CDH13: variants seen among roughly 807,000 people sequenced by gnomAD.
CDH13 encodes the protein cadherin 13.
CDH13 carries 24 observed loss-of-function variants against 63.8 expected under a neutral mutation model. The observed-to-expected ratio is 0.38, with a 90% confidence interval of 0.27 to 0.53. CDH13 has a LOEUF of 0.53. Among genes scored for constraint, CDH13 ranks in the 20% least tolerant of loss-of-function variants. The pLI, the probability that CDH13 is intolerant of heterozygous loss-of-function variation, is 0.85. For synonymous variants in CDH13, 503 were observed against 355.3 expected, an observed-to-expected ratio of 1.42 and a Z score of -4.67; for missense variants, 1,049 against 903.1, an observed-to-expected ratio of 1.16 and a Z score of -2.07.
intron 7 of CDH13, among the ~76,000 whole-genome samples, chr16:83,586,930 A>G (rs1420285657): frequency 1.3e-5 from 2 of 152,176 alleles, no homozygotes; most frequent in Non-Finnish European, 2.9e-5. Context: ...TTATTTTCAA[A>G]AAGTATAACC....
At chr16:83,313,255 C>T (rs1396165693) in intron 5 of CDH13, among the ~76,000 whole-genome samples, 1 of 152,142 alleles carries the variant, frequency 6.6e-6, no homozygotes, top group African/African-American at 2.4e-5. Context: ...ATTTCACAGC[C>T]ATTGATATTT....
intron 1 of CDH13, chr16:82,829,335 G>A (rs1903620): frequency 0.26 from 39,523 of 152,036 alleles, 6,557 homozygotes; most frequent in East Asian, 0.87. Context: ...GATGATGGAT[G>A]TGGAAATACA....
chr16:82,749,092 AT>A (rs11380532), intron 1 of CDH13, among the ~76,000 whole-genome samples: 2 of 151,238 alleles, frequency 1.3e-5, no homozygotes, highest in Non-Finnish European at 1.5e-5. Flanking sequence ...GTGGGGTCCA[AT>A]TTTTTTTTCA....
At chr16:82,663,768 G>C (rs1912259162) in intron 1 of CDH13, among the ~76,000 whole-genome samples, 1 of 152,166 alleles carries the variant, frequency 6.6e-6, no homozygotes, top group Non-Finnish European at 1.5e-5. Context: ...GCCCACATAA[G>C]AACCAAGGTG....
rs1446313025 is a variant in CDH13, at chr16:82,644,207, T to C, written c.45+17070T>C. Among the ~76,000 whole-genome samples the C allele has an allele frequency of 6.6e-6, 1 of 152,188 alleles. No homozygotes were observed. The highest frequency in any genetic ancestry group is 1.5e-5 in the Non-Finnish European group (1 of 68,022). ...TTTGGCACCCTTTGGCTGGTGCGGC[T>C]GAAGAATTCAATAGCCTAGTAATGA... On this transcript the variant is annotated intron_variant, in intron 1 of 13. Transcript: ENST00000567109. This position sits in a 1 kb window ranked among gnomAD's most constrained non-coding sequence, Gnocchi z 5.7.
chr16:83,565,903 T>C (rs1424977815), intron 7 of CDH13, among the ~76,000 whole-genome samples: 3 of 152,236 alleles, frequency 2.0e-5, no homozygotes, highest in Non-Finnish European at 4.4e-5. Context: ...TCTTTTGTGA[T>C]ACCAGTTTGT....
intron 7 of CDH13, among the ~76,000 whole-genome samples, chr16:83,556,947 C>T (rs1263894750): frequency 2.0e-5 from 3 of 152,192 alleles, no homozygotes; most frequent in Non-Finnish European, 4.4e-5. Flanking sequence ...CAACTCTCAA[C>T]CGATTTTCTA....
intron 7 of CDH13, among the ~76,000 whole-genome samples, chr16:83,510,865 C>A (rs1270331889): frequency 6.6e-6 from 1 of 152,228 alleles, no homozygotes; most frequent in African/African-American, 2.4e-5. Flanking sequence ...TTCAGAAAAT[C>A]AGTAATGTAG....
At chr16:83,366,787 C>T (rs995329427) in intron 6 of CDH13, among the ~76,000 whole-genome samples, 15 of 152,020 alleles carry the variant, frequency 9.9e-5, no homozygotes, top group Non-Finnish European at 1.6e-4. Flanking sequence ...AAATGGGGAG[C>T]ACAGAAGGTC....
intron 6 of CDH13, among the ~76,000 whole-genome samples, chr16:83,448,992 A>C (rs1310786851): frequency 1.3e-5 from 2 of 152,206 alleles, no homozygotes; most frequent in African/African-American, 4.8e-5. Flanking sequence ...ATGCTCCTAG[A>C]TACCGAATTT....
intron 1 of CDH13, among the ~76,000 whole-genome samples, chr16:82,788,558 G>A (rs919720742): frequency 1.2e-4 from 19 of 152,182 alleles, no homozygotes; most frequent in East Asian, 5.8e-4. Context: ...GTTATTAACC[G>A]GAGGAACACT....
rs181644126 is a variant in CDH13 at position 83,303,348 on chromosome 16, C to T, written c.637-41514C>T. On this transcript the variant is annotated intron_variant, in intron 5 of 13. Transcript: ENST00000567109. ...AACCCAGTAGGTCCAGATGCTTATA[C>T]AACTTTCTTCATTGGGGAATGAGAG... is the stretch of plus-strand genomic sequence containing the variant. Among the ~76,000 whole-genome samples the T allele has an allele frequency of 1.5e-3, 221 of 152,300 alleles. 1 individual carries two copies. Among genetic ancestry groups the T allele is most frequent in the African/African-American group, 5.1e-3 (210 of 41,562 alleles).
At chr16:83,383,956 ACACATATACATC>A (rs1567633166) in intron 6 of CDH13, among the ~76,000 whole-genome samples, 1 of 152,320 alleles carries the variant, frequency 6.6e-6, no homozygotes, top group East Asian at 1.9e-4. Context: ...ACATATACAT[ACACATATACATC>A]CACACAAATA....
chr16:83,291,534 T>G (rs934310315), intron 5 of CDH13, among the ~76,000 whole-genome samples: 5 of 152,040 alleles, frequency 3.3e-5, no homozygotes, highest in Non-Finnish European at 7.3e-5. Flanking sequence ...GAATAGCATT[T>G]GCGTTTTCAT....
intron 6 of CDH13, among the ~76,000 whole-genome samples, chr16:83,421,657 GATTACATGGCCACCCCTA>G (rs2071717596): frequency 6.6e-6 from 1 of 152,136 alleles, no homozygotes; most frequent in Non-Finnish European, 1.5e-5. Flanking sequence ...TTCAGGACCA[GATTACATGGCCACCCCTA>G]CTGTTGAGGA....
intron 10 of CDH13, among the ~76,000 whole-genome samples, chr16:83,688,542 T>G (rs1391536952): frequency 6.6e-6 from 1 of 152,236 alleles, no homozygotes; most frequent in Non-Finnish European, 1.5e-5. Flanking sequence ...AACTATATTA[T>G]TAACACTTCA....
chr16:83,326,052 A>G (rs184061298), intron 5 of CDH13, among the ~76,000 whole-genome samples: 1,725 of 152,292 alleles, frequency 0.011, 23 homozygotes, highest in Non-Finnish European at 0.017. Context: ...TCAAGACTTT[A>G]AAATAGAGGG....
intron 2 of CDH13, among the ~76,000 whole-genome samples, chr16:82,895,676 G>T (rs1284380962): frequency 7.7e-6 from 1 of 129,082 alleles, no homozygotes; most frequent in African/African-American, 3.0e-5. Flanking sequence ...TACTAGGAAA[G>T]GGACGCCTCT....
intron 6 of CDH13, among the ~76,000 whole-genome samples, chr16:83,410,188 T>C (rs2092105861): frequency 6.6e-6 from 1 of 152,206 alleles, no homozygotes; most frequent in African/African-American, 2.4e-5. Flanking sequence ...GCCAAGTTGT[T>C]AATGGAATTC....
Sources: allele counts gnomAD v4.1 joint callset (sites outside exome capture counted in the v4.1 genomes callset), GRCh38; gene constraint gnomAD v4.1.1; non-coding constraint Gnocchi (gnomAD v3.1); transcripts MANE v1.5; gene names NCBI Gene and HGNC (gene_info 2026-07-23, HGNC 2026-07-21).